ADAMTSL1: variants seen among roughly 807,000 people sequenced by gnomAD.
The protein encoded by ADAMTSL1 is ADAMTS-like protein 1.
Under a neutral mutation model 201.8 loss-of-function variants are expected in ADAMTSL1, and 126 were observed. That is an observed-to-expected ratio of 0.62 (90% CI 0.54 to 0.72). The LOEUF (loss-of-function observed/expected upper bound fraction) is 0.72. Ranked by LOEUF, ADAMTSL1 falls within the 30% of genes least tolerant of loss-of-function variation. The pLI is 0.00. For missense variants in ADAMTSL1, 2,679 were observed against 2,277.8 expected (o/e 1.18, Z -3.59); for synonymous variants, 1,121 against 903.4 (o/e 1.24, Z -4.32).
At chr9:18,272,507 GA>G (rs1832415784) in intron 2 of ADAMTSL1, among the ~76,000 whole-genome samples, 1 of 152,102 alleles carries the variant, frequency 6.6e-6, no homozygotes, top group Non-Finnish European at 1.5e-5. Context: ...AAAAACCCTA[GA>G]AGAAAACCTA....
At chr9:18,481,065 T>G (rs1587334192) in intron 1 of ADAMTSL1, among the ~76,000 whole-genome samples, 1 of 152,120 alleles carries the variant, frequency 6.6e-6, no homozygotes, top group East Asian at 1.9e-4. Context: ...ACACTGAAAC[T>G]GCTCCAAGGG....
intron 7 of ADAMTSL1, among the ~76,000 whole-genome samples, chr9:18,641,666 A>C (rs1827448560): frequency 1.3e-5 from 2 of 152,056 alleles, no homozygotes. Context: ...TTAAACTTTA[A>C]AAGGAGCCAG....
chr9:18,056,469 C>T (rs1206069004), intron 1 of ADAMTSL1, among the ~76,000 whole-genome samples: 1 of 152,056 alleles, frequency 6.6e-6, no homozygotes, highest in Non-Finnish European at 1.5e-5. Flanking sequence ...CTCCAGAAAG[C>T]AGATGAGTAA....
chr9:18,470,848 T>C (rs10963613), upstream of ADAMTSL1, among the ~76,000 whole-genome samples: 1 of 74,388 alleles, frequency 1.3e-5, no homozygotes, highest in African/African-American at 2.9e-5. Context: ...CTCTCTCTCT[T>C]GCTTCTGATT....
At chr9:18,835,718 C>T (rs143544380) in intron 23 of ADAMTSL1, among the ~76,000 whole-genome samples, 1 of 152,024 alleles carries the variant, frequency 6.6e-6, no homozygotes, top group East Asian at 1.9e-4. Context: ...CCATGAGTAC[C>T]CAATGTTTAG....
chr9:17,974,048 C>T (rs1818332478), intron 1 of ADAMTSL1, among the ~76,000 whole-genome samples: 2 of 152,026 alleles, frequency 1.3e-5, no homozygotes, highest in Admixed American at 6.6e-5. Context: ...TTCAACAACC[C>T]TTCATGCTAA....
chr9:18,355,742 C>T (rs1836193551), intron 2 of ADAMTSL1, among the ~76,000 whole-genome samples: 1 of 152,152 alleles, frequency 6.6e-6, no homozygotes, highest in Admixed American at 6.5e-5. Flanking sequence ...CATGGTGGCT[C>T]ACATCTCTAA....
intron 18 of ADAMTSL1, among the ~76,000 whole-genome samples, chr9:18,776,406 A>T (rs918053991): frequency 6.6e-6 from 1 of 152,120 alleles, no homozygotes; most frequent in African/African-American, 2.4e-5. Context: ...TTTAAAAATT[A>T]TTTTAATGAG....
chr9:18,155,079 C>A (rs1033164320), intron 1 of ADAMTSL1, among the ~76,000 whole-genome samples: 1 of 151,872 alleles, frequency 6.6e-6, no homozygotes, highest in African/African-American at 2.4e-5. Flanking sequence ...GTGCCTTGAA[C>A]ATTTTGTTTT....
intron 2 of ADAMTSL1, among the ~76,000 whole-genome samples, chr9:18,393,351 G>A (rs1838129722): frequency 6.6e-6 from 1 of 152,134 alleles, no homozygotes; most frequent in Non-Finnish European, 1.5e-5. Flanking sequence ...GTTCATGGTT[G>A]CTTGGACCTG....
intron 15 of ADAMTSL1, among the ~76,000 whole-genome samples, chr9:18,730,284 G>A (rs1818132750): frequency 6.6e-6 from 1 of 152,226 alleles, no homozygotes; most frequent in Non-Finnish European, 1.5e-5. Flanking sequence ...GGAAAACAAA[G>A]TAGGAAAAGG....
intron 2 of ADAMTSL1, among the ~76,000 whole-genome samples, chr9:18,297,326 T>C (rs1295761882): frequency 2.0e-5 from 3 of 152,188 alleles, no homozygotes; most frequent in Admixed American, 2.0e-4. Flanking sequence ...TTACTCTCAA[T>C]GGTTAGTTCA....
At chr9:18,451,650 C>G (rs972800325) in intron 2 of ADAMTSL1, among the ~76,000 whole-genome samples, 1 of 152,238 alleles carries the variant, frequency 6.6e-6, no homozygotes, top group Non-Finnish European at 1.5e-5. Context: ...TACTAATTTA[C>G]TCTATCTGAA....
intron 23 of ADAMTSL1, among the ~76,000 whole-genome samples, chr9:18,872,062 T>A (rs1482864180): frequency 2.0e-5 from 3 of 152,186 alleles, no homozygotes; most frequent in Non-Finnish European, 4.4e-5. Flanking sequence ...ACAAGTTTTC[T>A]CATCTTTGCA....
intron 2 of ADAMTSL1, among the ~76,000 whole-genome samples, chr9:18,170,534 G>T (rs1160747276): frequency 1.3e-5 from 2 of 151,970 alleles, no homozygotes; most frequent in East Asian, 3.9e-4. Context: ...ATAACTCAAA[G>T]ATATAAAGTT....
chr9:17,985,061 G>C (rs1438616916), intron 1 of ADAMTSL1, among the ~76,000 whole-genome samples: 1 of 152,094 alleles, frequency 6.6e-6, no homozygotes, highest in African/African-American at 2.4e-5. Flanking sequence ...TTTAAAATAG[G>C]AAGATGGAAT....
At chr9:17,918,703 A>G (rs1588413953) in intron 1 of ADAMTSL1, among the ~76,000 whole-genome samples, 1 of 151,792 alleles carries the variant, frequency 6.6e-6, no homozygotes, top group Admixed American at 6.6e-5. Context: ...GGTTGATACC[A>G]TTGTTCAAGT....
rs577675443 is a variant in ADAMTSL1 at position 18,204,088 on chromosome 9, A to G, written c.207+40107A>G. The stretch of plus-strand genomic sequence containing the variant: ...AACATATCATAAAACTAATGATACT[A>G]TTTATTATCTACTGTGGGCTAGCTG... On this transcript the variant is annotated intron_variant, in intron 2 of 29. Transcript: ENST00000680146. Among the ~76,000 whole-genome samples, 5 of 152,240 alleles carry G rather than the reference A, an allele frequency of 3.3e-5. No homozygotes were observed. In the South Asian group the frequency reaches 6.2e-4, roughly 19 times the overall value.
intron 2 of ADAMTSL1, among the ~76,000 whole-genome samples, chr9:18,354,048 CATATATAT>C (rs10623938): frequency 3.5e-5 from 5 of 142,576 alleles, no homozygotes; most frequent in African/African-American, 1.3e-4. Context: ...TTTTTCTATA[CATATATAT>C]ATATATATAT....
Sources: gnomAD v4.1 joint callset for allele counts (sites outside exome capture counted in the v4.1 genomes callset) on GRCh38, gnomAD v4.1.1 for gene constraint, MANE v1.5 for transcripts, NCBI Gene and HGNC (gene_info 2026-07-23, HGNC 2026-07-21) for gene names.